ITGA8: variants seen among roughly 807,000 people sequenced by gnomAD.
ITGA8 encodes integrin subunit alpha 8.
ITGA8 carries 91 observed loss-of-function variants against 142.3 expected under a neutral mutation model. That is an observed-to-expected ratio of 0.64 (90% CI 0.54 to 0.76). The LOEUF is 0.76. Among genes scored for constraint, ITGA8 ranks in the 30% least tolerant of loss-of-function variants. ITGA8 has a pLI of 0.00. For synonymous variants in ITGA8, 505 were observed against 485.2 expected, an observed-to-expected ratio of 1.04 and a Z score of -0.54; for missense variants, 1,406 against 1,327.7, an observed-to-expected ratio of 1.06 and a Z score of -0.92.
chr10:15,679,399 A>G (rs891120997), intron 4 of ITGA8, among the ~76,000 whole-genome samples: 1 of 152,158 alleles, frequency 6.6e-6, no homozygotes, highest in African/African-American at 2.4e-5. Context: ...CCTGGCCAAC[A>G]TGGTGAACCC....
At chr10:15,718,628 A>G in intron 2 of ITGA8, 138 bp downstream of exon 2, 2 of 1,053,170 alleles carry the variant, frequency 1.9e-6, no homozygotes, top group Admixed American at 2.3e-5. Flanking sequence ...ATTTCTCTAG[A>G]GACCCACATA....
intron 2 of ITGA8, among the ~76,000 whole-genome samples, chr10:15,693,496 T>C (rs1834971516): frequency 6.6e-6 from 1 of 152,200 alleles, no homozygotes; most frequent in African/African-American, 2.4e-5. Context: ...TGTTTCCAGA[T>C]GTTTTTAAAA....
At chr10:15,652,473 G>A (rs1368680961) in intron 11 of ITGA8, among the ~76,000 whole-genome samples, 1 of 147,586 alleles carries the variant, frequency 6.8e-6, no homozygotes, top group Non-Finnish European at 1.5e-5. Context: ...CCCTGATGTT[G>A]AGATTTTGGA....
chr10:15,714,173 C>T (rs765245194), intron 2 of ITGA8, among the ~76,000 whole-genome samples: 4 of 152,188 alleles, frequency 2.6e-5, no homozygotes, highest in Non-Finnish European at 2.9e-5. Context: ...AACTATGTTG[C>T]AATTTGCTCT....
intron 21 of ITGA8, among the ~76,000 whole-genome samples, chr10:15,592,889 G>A (rs1832949924): frequency 6.6e-6 from 1 of 152,178 alleles, no homozygotes; most frequent in South Asian, 2.1e-4. Flanking sequence ...ACCACACCTG[G>A]CCAGAAATTG....
chr10:15,704,002 G>A (rs1290371156), intron 2 of ITGA8, among the ~76,000 whole-genome samples: 1 of 152,220 alleles, frequency 6.6e-6, no homozygotes, highest in Non-Finnish European at 1.5e-5. Flanking sequence ...ATCAGAGGAT[G>A]TCTGTCTTGC....
At chr10:15,617,399 G>GTTTTT (rs11448806) in intron 13 of ITGA8, among the ~76,000 whole-genome samples, 2 of 148,004 alleles carry the variant, frequency 1.4e-5, no homozygotes, top group African/African-American at 2.5e-5. Flanking sequence ...CAAACTGTCT[G>GTTTTT]TTTTTTTTTT....
intron 20 of ITGA8, among the ~76,000 whole-genome samples, chr10:15,601,206 T>A (rs948084092): frequency 4.6e-5 from 7 of 151,740 alleles, no homozygotes; most frequent in African/African-American, 1.7e-4. Flanking sequence ...GCCTCTGCAC[T>A]CCAGCCTGGG....
rs1020164935 is a variant in ITGA8 at position 15,515,612 on chromosome 10, A to T, written c.*1546T>A. 17 of 39,962 alleles carry T rather than the reference A, an allele frequency of 4.3e-4. No individual in the cohort carries two copies. The highest frequency in any genetic ancestry group is 3.4e-3 in the South Asian group (2 of 594). The allele number at this position is 39,962 out of a possible 1,614,324, so 2.5% of individuals were successfully genotyped here. ...TACTTAACATTTAGGAAATTAATTA[A>T]AAAAAAAAACGCCAGTGTAAACATG... is the stretch of plus-strand genomic sequence containing the variant. On this transcript the variant is annotated 3_prime_UTR_variant, in exon 30 of 30. Transcript: ENST00000378076.
rs1329836317 is a variant in ITGA8, at chr10:15,621,383, GA to G, written c.1400-4825del. Among the ~76,000 whole-genome samples the G allele has an allele frequency of 1.5e-4, 22 of 148,518 alleles. No homozygotes were observed. In the East Asian group the frequency reaches 3.3e-3, roughly 22 times the overall value. ...GCATGAATGCAGGATCAGTTGGCAAGAAAAAAAAACCCTAAAAATGTGAGGT... is the reference window on the plus strand; with the variant it reads ...GCATGAATGCAGGATCAGTTGGCAAGAAAAAAAACCCTAAAAATGTGAGGT... On this transcript the variant is annotated intron_variant, in intron 13 of 29. Coordinates refer to ENST00000378076, the MANE Select transcript of ITGA8 (RefSeq NM_003638.3).
At chr10:15,623,416 T>C (rs1290374484) in intron 13 of ITGA8, among the ~76,000 whole-genome samples, 1 of 152,216 alleles carries the variant, frequency 6.6e-6, no homozygotes, top group African/African-American at 2.4e-5. Flanking sequence ...CCAGGCATAG[T>C]AGCTCACGCC....
chr10:15,719,517 G>A (rs1234407110), intron 1 of ITGA8, 46 bp downstream of exon 1: 4 of 1,479,086 alleles, frequency 2.7e-6, no homozygotes, highest in Non-Finnish European at 3.6e-6. Context: ...CCTGACCCGG[G>A]AGCGCCTTCG....
chr10:15,644,478 ATATATATATATATAG>A (rs1833938741), intron 12 of ITGA8, among the ~76,000 whole-genome samples: 1 of 12,986 alleles, frequency 7.7e-5, no homozygotes. Flanking sequence ...ATATATATAT[ATATATATATATATAG>A]AATTTTTTTT....
chr10:15,678,654 G>A, intron 5 of ITGA8, 68 bp downstream of exon 5: 1 of 1,007,546 alleles, frequency 9.9e-7, no homozygotes, highest in Non-Finnish European at 1.6e-6. Flanking sequence ...TGGGGTGTGG[G>A]AGTGAGAGGC....
intron 17 of ITGA8, among the ~76,000 whole-genome samples, chr10:15,607,013 G>A (rs963951750): frequency 6.6e-5 from 10 of 152,098 alleles, no homozygotes; most frequent in Non-Finnish European, 1.5e-4. Flanking sequence ...TCAATTGTTT[G>A]CCAATCAAGG....
chr10:15,532,923 G>C (rs1833341545), intron 27 of ITGA8, among the ~76,000 whole-genome samples: 1 of 152,112 alleles, frequency 6.6e-6, no homozygotes, highest in Admixed American at 6.5e-5. Context: ...TATGTCTACT[G>C]TATCTGTAAG....
intron 25 of ITGA8, among the ~76,000 whole-genome samples, chr10:15,566,647 CAAAT>C (rs1834086265): frequency 6.6e-6 from 1 of 151,658 alleles, no homozygotes; most frequent in African/African-American, 2.4e-5. Context: ...CGCATCTCTA[CAAAT>C]AAATACAAAA....
chr10:15,671,640 T>G lies in ITGA8; in HGVS notation c.810A>C (p.Ser270=), dbSNP rs757626378. ...ASYDDSYLGY[S]VAAGEFTGDS... Reference sequence around the variant, plus strand: ...CCCCAGTAAACTCCCCAGCAGCAACTGAGTATCCTGTTTTAAAGAAAAAGA... The same window carrying G: ...CCCCAGTAAACTCCCCAGCAGCAACGGAGTATCCTGTTTTAAAGAAAAAGA... Residue 270 remains serine (S), a synonymous_variant, in exon 8 of 30, where the codon TCA becomes TCC. Coordinates refer to ENST00000378076, the MANE Select transcript of ITGA8 (RefSeq NM_003638.3). The G allele has an allele frequency of 1.2e-6, 2 of 1,612,114 alleles. No individual in the cohort carries two copies. The highest frequency in any genetic ancestry group is 2.2e-5 in the East Asian group (1 of 44,832).
At chr10:15,520,184 G>T (rs1833031290) in intron 28 of ITGA8, among the ~76,000 whole-genome samples, 1 of 152,094 alleles carries the variant, frequency 6.6e-6, no homozygotes, top group Non-Finnish European at 1.5e-5. Context: ...GGCCAAGGTG[G>T]GTGGATTGCC....
Sources: allele counts gnomAD v4.1 joint callset (sites outside exome capture counted in the v4.1 genomes callset), GRCh38; gene constraint gnomAD v4.1.1; transcripts MANE v1.5; gene names NCBI Gene and HGNC (gene_info 2026-07-23, HGNC 2026-07-21).